Variants in DOCK9 observed in about 807,000 individuals in gnomAD.
DOCK9 encodes the protein dedicator of cytokinesis protein 9.
In DOCK9, 89 loss-of-function variants were observed where a neutral mutation model predicts 263.3. The observed-to-expected ratio is 0.34, with a 90% CI of 0.28 to 0.40. The LOEUF is 0.40. Ranked by LOEUF, DOCK9 falls within the 10% of genes least tolerant of loss-of-function variation. DOCK9 has a pLI of 1.00. For missense variants in DOCK9, 2,140 were observed against 2,603.4 expected (o/e 0.82, Z 3.87); for synonymous variants, 976 against 973.1 (o/e 1.00, Z -0.06).
chr13:99,083,151 A>G (rs1296374389), intron 1 of DOCK9, among the ~76,000 whole-genome samples: 1 of 152,030 alleles, frequency 6.6e-6, no homozygotes, highest in Non-Finnish European at 1.5e-5. Flanking sequence ...GCTACTCCGG[A>G]GGCTGAGGCC....
At chr13:99,087,352 G>A (rs1596076946), upstream of DOCK9, among the ~76,000 whole-genome samples, 1 of 152,238 alleles carries the variant, frequency 6.6e-6, no homozygotes, top group African/African-American at 2.4e-5. Context: ...ATACTTCGGA[G>A]CCTCGGTTAT....
intron 1 of DOCK9, among the ~76,000 whole-genome samples, chr13:98,966,056 C>A (rs2059156257): frequency 6.6e-6 from 1 of 152,070 alleles, no homozygotes; most frequent in African/African-American, 2.4e-5. Flanking sequence ...AATAATAATA[C>A]CAATTAAGGA....
intron 2 of DOCK9, among the ~76,000 whole-genome samples, chr13:98,939,474 T>G (rs899060731): frequency 6.6e-6 from 1 of 152,220 alleles, no homozygotes; most frequent in Non-Finnish European, 1.5e-5. Flanking sequence ...ATTTTTGTGC[T>G]TGTTTTCATT....
chr13:98,811,808 T>C (rs1299606900), intron 45 of DOCK9, among the ~76,000 whole-genome samples: 1 of 152,256 alleles, frequency 6.6e-6, no homozygotes, highest in Non-Finnish European at 1.5e-5. Context: ...GCTTTATATG[T>C]TATATTTAAG....
intron 50 of DOCK9, 133 bp downstream of exon 50, chr13:98,800,155 G>A (rs571224974): frequency 8.9e-5 from 85 of 959,476 alleles, no homozygotes; most frequent in East Asian, 4.2e-4. Context: ...TGTCACAGAC[G>A]TTGGGGGAAG....
intron 1 of DOCK9, among the ~76,000 whole-genome samples, chr13:98,993,415 T>A (rs778466860): frequency 6.6e-6 from 1 of 152,242 alleles, no homozygotes; most frequent in Non-Finnish European, 1.5e-5. Context: ...AGGTAGGAAA[T>A]TTTTTAAACT....
intron 1 of DOCK9, among the ~76,000 whole-genome samples, chr13:98,964,121 T>TA (rs2058960531): frequency 6.6e-6 from 1 of 152,184 alleles, no homozygotes; most frequent in Non-Finnish European, 1.5e-5. Flanking sequence ...AACACGGCCC[T>TA]GCCCCAGGGA....
At chr13:99,084,096 C>T (rs1318980457) in intron 1 of DOCK9, among the ~76,000 whole-genome samples, 2 of 152,176 alleles carry the variant, frequency 1.3e-5, no homozygotes, top group East Asian at 3.8e-4. Context: ...TACCTTACCT[C>T]ACCTCTTAGA....
chr13:98,874,409 T>C (rs2094273632), intron 27 of DOCK9, among the ~76,000 whole-genome samples: 1 of 152,238 alleles, frequency 6.6e-6, no homozygotes, highest in Non-Finnish European at 1.5e-5. Flanking sequence ...TCATTTGGGT[T>C]GTTTCTAGTT....
chr13:98,831,168 C>G (rs1465735201), intron 41 of DOCK9, among the ~76,000 whole-genome samples, 180 bp downstream of exon 41: 1 of 152,178 alleles, frequency 6.6e-6, no homozygotes, highest in Non-Finnish European at 1.5e-5. Flanking sequence ...GCATCTCAGG[C>G]CCATATCTTA....
chr13:98,902,249 G>A, intron 12 of DOCK9, 39 bp downstream of exon 12: 1 of 1,602,744 alleles, frequency 6.2e-7, no homozygotes, highest in Non-Finnish European at 8.5e-7. Context: ...CATGCAAAGT[G>A]AGTCTGAGTA....
intron 1 of DOCK9, among the ~76,000 whole-genome samples, chr13:99,063,524 C>T (rs1340473072): frequency 6.6e-6 from 1 of 152,220 alleles, no homozygotes; most frequent in African/African-American, 2.4e-5. Context: ...TGCCTCCCAA[C>T]CTGACACCCC....
At chr13:98,965,606 C>G (rs1391285574) in intron 1 of DOCK9, among the ~76,000 whole-genome samples, 1 of 152,166 alleles carries the variant, frequency 6.6e-6, no homozygotes, top group African/African-American at 2.4e-5. Flanking sequence ...TCAGCCCGTA[C>G]TAAAACGATG....
At chr13:98,832,122 C>T in intron 39 of DOCK9, 2 of 232,208 alleles carry the variant, frequency 8.6e-6, no homozygotes, top group Non-Finnish European at 1.7e-5. Flanking sequence ...ATCTTAATTC[C>T]AACAGAGAAG....
intron 2 of DOCK9, among the ~76,000 whole-genome samples, chr13:98,951,711 G>A (rs1371157559): frequency 1.3e-5 from 2 of 152,158 alleles, no homozygotes; most frequent in African/African-American, 4.8e-5. Flanking sequence ...CTAAAGGGTA[G>A]GAAAGATCTA....
intron 45 of DOCK9, among the ~76,000 whole-genome samples, chr13:98,812,052 A>C (rs1164241542): frequency 6.6e-6 from 1 of 151,080 alleles, no homozygotes; most frequent in Non-Finnish European, 1.5e-5. Flanking sequence ...ACTGATCATA[A>C]GTGTGTGGGT....
rs1241330501 is a variant in DOCK9, at chr13:98,829,550, C to T, written c.4750-28G>A. The T allele has an allele frequency of 1.9e-6, 3 of 1,597,266 alleles. No individual in the cohort carries two copies. The highest frequency in any genetic ancestry group is 2.6e-6 in the Non-Finnish European group (3 of 1,170,384). On this transcript the variant is annotated intron_variant, in intron 42 of 52. Coordinates refer to ENST00000682017, the MANE Select transcript of DOCK9 (RefSeq NM_001366683.2). This position sits in a 1 kb window ranked among gnomAD's most constrained non-coding sequence, Gnocchi z 4.1. Reference sequence around the variant, plus strand: ...AAAACAAGGGTGGAAGAGGAAAGGACACATGGCTTCCTCTGTTTGCTGCCT... The same window carrying T: ...AAAACAAGGGTGGAAGAGGAAAGGATACATGGCTTCCTCTGTTTGCTGCCT...
chr13:98,851,415 C>T (rs2093564831), intron 35 of DOCK9, among the ~76,000 whole-genome samples: 1 of 152,148 alleles, frequency 6.6e-6, no homozygotes, highest in South Asian at 2.1e-4. Flanking sequence ...TATGGTGAGC[C>T]CCCGGGGAGC....
At chr13:98,858,430 G>T (rs1218214109) in intron 33 of DOCK9, 2 of 152,206 alleles carry the variant, frequency 1.3e-5, no homozygotes, top group African/African-American at 4.8e-5. Flanking sequence ...TTCTCAGTAT[G>T]TGTGGAAACA....
Sources: allele counts gnomAD v4.1 joint callset (sites outside exome capture counted in the v4.1 genomes callset), GRCh38; gene constraint gnomAD v4.1.1; non-coding constraint Gnocchi (gnomAD v3.1); transcripts MANE v1.5; gene names NCBI Gene and HGNC (gene_info 2026-07-23, HGNC 2026-07-21).